Variants in SLC4A10 observed in about 807,000 individuals in gnomAD.
The protein encoded by SLC4A10 is sodium-driven chloride bicarbonate exchanger.
A neutral mutation model predicts 137.7 loss-of-function variants in SLC4A10; 42 were observed. The ratio of observed to expected loss-of-function variants is 0.30; its 90% CI spans 0.24 to 0.39. The LOEUF (loss-of-function observed/expected upper bound fraction) is 0.39, where lower values mean the gene tolerates loss of function less well. Among genes scored for constraint, SLC4A10 ranks in the 10% least tolerant of loss-of-function variants. The pLI is 1.00. For synonymous variants in SLC4A10, 474 were observed against 464.1 expected, an observed-to-expected ratio of 1.02 and a Z score of -0.27; for missense variants, 925 against 1,355.0, an observed-to-expected ratio of 0.68 and a Z score of 4.98.
At position 161,874,124 on chromosome 2, in the gene SLC4A10, A is replaced by G. The variant is rs960115649; in HGVS notation, c.948+119A>G. The G allele has an allele frequency of 4.8e-6, 5 of 1,052,194 alleles. No homozygotes were observed. In the African/African-American group the frequency reaches 4.8e-5, roughly 10 times the overall value. 65.2% of individuals were successfully genotyped at this position (1,052,194 alleles called of 1,614,324 possible). A position where few individuals can be genotyped will look rare whatever the true frequency, so the allele number is the denominator to read the frequency against. Reference sequence around the variant, plus strand: ...TATTCCATCTGCCACTCTAAGAACTATCTTTTTAAAGCATTGCATCTTCAT... The same window carrying G: ...TATTCCATCTGCCACTCTAAGAACTGTCTTTTTAAAGCATTGCATCTTCAT... On this transcript the variant is annotated intron_variant, in intron 8 of 26. Transcript: ENST00000446997.
intron 17 of SLC4A10, among the ~76,000 whole-genome samples, 176 bp from the exon 18 acceptor site, chr2:161,948,972 C>G (rs980190286): frequency 6.6e-6 from 1 of 152,038 alleles, no homozygotes; most frequent in Admixed American, 6.6e-5. Flanking sequence ...GACAGTGATA[C>G]ATAAATATAT....
chr2:161,767,913 C>T lies in SLC4A10; in HGVS notation c.49-3060C>T, dbSNP rs568131563. ...GAACATCTCTGAATACATAACAACC[C>T]TTCCAATCTTCCCCCAAAACCTCAG... On this transcript the variant is annotated intron_variant, in intron 1 of 26. Coordinates refer to ENST00000446997, the MANE Select transcript of SLC4A10 (RefSeq NM_001178015.2). Among the ~76,000 whole-genome samples the T allele has an allele frequency of 9.3e-4, 142 of 152,060 alleles. 2 individuals are homozygous for T. The South Asian group carries it at 0.014, about 15-fold the overall frequency.
intron 1 of SLC4A10, among the ~76,000 whole-genome samples, chr2:161,768,270 C>A (rs1193389481): frequency 6.6e-6 from 1 of 152,016 alleles, no homozygotes; most frequent in Non-Finnish European, 1.5e-5. Context: ...TCATTGACTA[C>A]CTGACATCCA....
chr2:161,678,735 C>A (rs2040529052), intron 1 of SLC4A10, among the ~76,000 whole-genome samples: 2 of 152,224 alleles, frequency 1.3e-5, no homozygotes, highest in South Asian at 4.1e-4. Flanking sequence ...ACTCTAGTGT[C>A]TGACATTTTT....
Position 161,900,939 on chromosome 2 carries a change from A to G in SLC4A10, c.1370A>G (p.Asn457Ser). The change falls in exon 12 of 27, where the codon AAT becomes AGT. Residue 457 changes from asparagine (N) to serine (S), a missense_variant. Coordinates refer to ENST00000446997, the MANE Select transcript of SLC4A10 (RefSeq NM_001178015.2). ...AAGAGGAAGATTCCTGCTGTACCAA[A>G]TGGAACAGCAGCTCATGGGGAAGCA... ...QEKRKIPAVP[N>S]GTAAHGEAEP... 6.4e-7 allele frequency: 1 copy of G among 1,563,358 alleles called. No homozygotes were observed. The highest frequency in any genetic ancestry group is 8.7e-7 in the Non-Finnish European group (1 of 1,153,284).
At chr2:161,660,592 CT>C (rs771220950) in intron 1 of SLC4A10, among the ~76,000 whole-genome samples, 82 of 118,874 alleles carry the variant, frequency 6.9e-4, no homozygotes, top group Non-Finnish European at 1.4e-3. Flanking sequence ...TTCTTTCTTT[CT>C]TTCTTTCTTT....
intron 3 of SLC4A10, among the ~76,000 whole-genome samples, chr2:161,822,123 G>T (rs1322292436): frequency 1.3e-5 from 2 of 152,164 alleles, no homozygotes; most frequent in Non-Finnish European, 2.9e-5. Context: ...GTATTTTAAA[G>T]GTGTGTAGTG....
chr2:161,814,227 A>T (rs966065068), intron 3 of SLC4A10, among the ~76,000 whole-genome samples: 1 of 152,168 alleles, frequency 6.6e-6, no homozygotes, highest in African/African-American at 2.4e-5. Flanking sequence ...CCACAATGAG[A>T]TACTATCTCA....
chr2:161,830,905 G>T (rs1045886826), intron 3 of SLC4A10, among the ~76,000 whole-genome samples: 1 of 152,086 alleles, frequency 6.6e-6, no homozygotes, highest in Non-Finnish European at 1.5e-5. Context: ...GATAGCAGGG[G>T]CCTGATTTGT....
chr2:161,764,618 C>T (rs985823199), intron 1 of SLC4A10, among the ~76,000 whole-genome samples: 60 of 152,080 alleles, frequency 3.9e-4, no homozygotes, highest in African/African-American at 1.3e-3. Context: ...GCAAGAGTTA[C>T]AGTAAATCAG....
At chr2:161,934,984 GT>G (rs1691311579) in intron 15 of SLC4A10, among the ~76,000 whole-genome samples, 2 of 152,056 alleles carry the variant, frequency 1.3e-5, no homozygotes, top group African/African-American at 4.8e-5. Flanking sequence ...GTGATTTGGG[GT>G]TAAATCCAAA....
chr2:161,862,982 T>G lies in SLC4A10; in HGVS notation c.686T>G (p.Leu229Arg). 6.2e-7 allele frequency: 1 copy of G among 1,613,922 alleles called. No individual in the cohort carries two copies. Among genetic ancestry groups the G allele is most frequent in the South Asian group, 1.1e-5 (1 of 91,058 alleles). Residue 229 changes from leucine (L) to arginine (R), a missense_variant, in exon 6 of 27, where the codon CTC becomes CGC. Leu to Arg is a moderately radical substitution (Grantham distance 102). Around this residue, in one of 11 missense-constraint regions of SLC4A10, gnomAD observed 277 missense variants for 306.1 expected, o/e 0.90. Transcript: ENST00000446997. ...KQHHHQNQKK[L>R]TNRIPIVRSF... ...CATCATCATCAGAATCAGAAAAAACTCACCAACAGGATTCCCATTGTTCGT... is the reference window on the plus strand; with the variant it reads ...CATCATCATCAGAATCAGAAAAAACGCACCAACAGGATTCCCATTGTTCGT...
chr2:161,894,244 T>A (rs1420943889), intron 10 of SLC4A10, among the ~76,000 whole-genome samples: 1 of 152,066 alleles, frequency 6.6e-6, no homozygotes, highest in Non-Finnish European at 1.5e-5. Context: ...ATTTTCAAAA[T>A]GGAAACAAAA....
chr2:161,912,329 C>T, intron 15 of SLC4A10, among the ~76,000 whole-genome samples: 1 of 152,058 alleles, frequency 6.6e-6, no homozygotes, highest in South Asian at 2.1e-4. Context: ...TTCTTGGTTT[C>T]TTCCTTTAAA....
chr2:161,958,844 C>T (rs1696121404), intron 21 of SLC4A10, among the ~76,000 whole-genome samples: 1 of 151,976 alleles, frequency 6.6e-6, no homozygotes, highest in African/African-American at 2.4e-5. Flanking sequence ...AATATATATC[C>T]AAATATTTAT....
At chr2:161,675,635 G>T (rs570446839) in intron 1 of SLC4A10, among the ~76,000 whole-genome samples, 96 of 152,008 alleles carry the variant, frequency 6.3e-4, no homozygotes, top group African/African-American at 2.0e-3. Context: ...AGGACTACTA[G>T]ATCTTTTTAA....
intron 3 of SLC4A10, among the ~76,000 whole-genome samples, chr2:161,834,657 G>A (rs184846690): frequency 0.041 from 4,875 of 117,784 alleles, 136 homozygotes; most frequent in Non-Finnish European, 0.054. Context: ...ATCCTTTATC[G>A]CCTACACACA....
At chr2:161,978,226 A>C (rs548352769) in intron 26 of SLC4A10, among the ~76,000 whole-genome samples, 1 of 151,768 alleles carries the variant, frequency 6.6e-6, no homozygotes, top group African/African-American at 2.4e-5. Flanking sequence ...CTGTACTAAA[A>C]ATACAAAAAA....
intron 26 of SLC4A10, among the ~76,000 whole-genome samples, chr2:161,982,482 G>A (rs1047110589): frequency 2.0e-5 from 3 of 152,120 alleles, no homozygotes; most frequent in Admixed American, 2.0e-4. Flanking sequence ...TTAATGAGAG[G>A]GTGAGATTAA....
Sources: gnomAD v4.1 joint callset for allele counts (sites outside exome capture counted in the v4.1 genomes callset) on GRCh38, gnomAD v4.1.1 for gene constraint, gnomAD v4.1.1 regional missense constraint, MANE v1.5 for transcripts, NCBI Gene and HGNC (gene_info 2026-07-23, HGNC 2026-07-21) for gene names.